Variants in WDTC1 observed in about 807,000 individuals in gnomAD.
WDTC1 encodes WD and tetratricopeptide repeats protein 1.
Under a neutral mutation model 76.0 loss-of-function variants are expected in WDTC1, and 12 were observed. The ratio of observed to expected loss-of-function variants is 0.16; its 90% CI spans 0.10 to 0.26. WDTC1 has a LOEUF of 0.26. WDTC1 is among the 10% of genes least tolerant of loss of function. The pLI, the probability that WDTC1 is intolerant of heterozygous loss-of-function variation, is 1.00. For missense variants in WDTC1, 511 were observed against 908.8 expected (o/e 0.56, Z 5.63); for synonymous variants, 326 against 350.8 (o/e 0.93, Z 0.79).
intron 3 of WDTC1, among the ~76,000 whole-genome samples, chr1:27,280,994 GTCTC>G (rs1179413817): frequency 4.0e-5 from 6 of 151,440 alleles, no homozygotes; most frequent in South Asian, 2.1e-4. Context: ...TTGAGACAGA[GTCTC>G]TCTCTCTTTT....
intron 3 of WDTC1, among the ~76,000 whole-genome samples, chr1:27,272,880 GCC>G (rs2012910615): frequency 6.6e-6 from 1 of 152,184 alleles, no homozygotes; most frequent in African/African-American, 2.4e-5. Context: ...TTACACCCCA[GCC>G]TGGGCAACCC....
Position 27,283,429 on chromosome 1 carries a change from G to A in WDTC1, c.271G>A (p.Ala91Thr), listed in dbSNP as rs770297610. 4.3e-6 allele frequency: 7 copies of A among 1,612,646 alleles called. No individual in the cohort carries two copies. The highest frequency in any genetic ancestry group is 4.0e-5 in the African/African-American group (3 of 74,898). ...KLLSMHTGHTANIFSVKFLPH... is the reference protein window; with the variant it reads ...KLLSMHTGHTTNIFSVKFLPH... ...GCTCTCCATGCACACGGGACACACC[G>A]CAAATATCTTCTCTGTCAAGGTGAG... The change falls in exon 5 of 16, where the codon GCA (alanine) becomes ACA (threonine). Residue 91 changes from alanine (A) to threonine (T), a missense_variant. Transcript: ENST00000319394.
At chr1:27,284,012 G>C (rs1199665528) in intron 5 of WDTC1, among the ~76,000 whole-genome samples, 1 of 152,204 alleles carries the variant, frequency 6.6e-6, no homozygotes, top group Non-Finnish European at 1.5e-5. Flanking sequence ...GAGGAGGGGA[G>C]TTGAGCGGAG....
chr1:27,270,417 A>C (rs2012833026), intron 3 of WDTC1, among the ~76,000 whole-genome samples: 1 of 152,090 alleles, frequency 6.6e-6, no homozygotes, highest in African/African-American at 2.4e-5. Context: ...TTTAAGAGGC[A>C]TAATTAGGGC....
intron 3 of WDTC1, among the ~76,000 whole-genome samples, chr1:27,273,349 C>T (rs1290769418): frequency 1.3e-5 from 2 of 151,618 alleles, no homozygotes; most frequent in African/African-American, 4.8e-5. Context: ...GCTGGGACTA[C>T]AGGCGCCCGC....
Position 27,234,928 on chromosome 1 carries a change from C to G in WDTC1, c.-123C>G. The G allele has an allele frequency of 1.0e-5, 4 of 394,274 alleles. No homozygotes were observed. Among genetic ancestry groups the G allele is most frequent in the Non-Finnish European group, 1.8e-5 (4 of 223,190 alleles). 24.4% of individuals were successfully genotyped at this position (394,274 alleles called of 1,614,324 possible). A position where few individuals can be genotyped will look rare whatever the true frequency, so the allele number is the denominator to read the frequency against. ...TGGGCTCCTGAAGTTGCGCCGCTGC[C>G]GGTCGGGGGAAGAGACCTGACAGGT... On this transcript the variant is annotated 5_prime_UTR_variant, in exon 1 of 16. Coordinates refer to ENST00000319394, the MANE Select transcript of WDTC1 (RefSeq NM_001276252.2).
In WDTC1 at chr1:27,237,873, AAAG is replaced by A. The variant is rs1367146339; in HGVS notation, c.-100+2925_-100+2927del. On this transcript the variant is annotated intron_variant, in intron 1 of 15. Transcript: ENST00000319394. ...TGAAACTCCATCTCAAAAAAAAAAA[AAAG>A]AAAAGAAAAGAAAAAAAAGAAAGAA... is the stretch of plus-strand genomic sequence containing the variant. Among the ~76,000 whole-genome samples, 18 of 149,810 alleles carry A rather than the reference AAAG, an allele frequency of 1.2e-4. No homozygotes were observed. In the East Asian group the frequency reaches 2.5e-3, roughly 21 times the overall value.
At chr1:27,247,202 G>T (rs1348305733) in intron 1 of WDTC1, among the ~76,000 whole-genome samples, 1 of 151,646 alleles carries the variant, frequency 6.6e-6, no homozygotes, top group East Asian at 1.9e-4. Context: ...GATTACAGGT[G>T]CCTGCCACCA....
chr1:27,240,482 T>C (rs1490070542), intron 1 of WDTC1, among the ~76,000 whole-genome samples: 2 of 152,154 alleles, frequency 1.3e-5, no homozygotes, highest in Non-Finnish European at 2.9e-5. Context: ...TGATGAAATA[T>C]ATCCTTTTTA....
At chr1:27,251,848 G>A (rs2012075841) in intron 1 of WDTC1, among the ~76,000 whole-genome samples, 1 of 151,882 alleles carries the variant, frequency 6.6e-6, no homozygotes. Flanking sequence ...TCTGCCAGGT[G>A]TGTCAGCCTG....
At chr1:27,270,798 C>A (rs1254487127) in intron 3 of WDTC1, among the ~76,000 whole-genome samples, 3 of 152,272 alleles carry the variant, frequency 2.0e-5, no homozygotes, top group South Asian at 2.1e-4. Flanking sequence ...TTGCCAAATT[C>A]TTCACCATGG....
In WDTC1 at chr1:27,296,330, A is replaced by G; in HGVS notation, c.878A>G (p.Tyr293Cys). ...TTTTGCCCCCCTCAACTCTAGGTCT[A>G]TTTGTTTGACTTGACTTACAAGCAG... ...LLVNMGGEQV[Y>C]LFDLTYKQRP... Residue 293 changes from tyrosine (Y) to cysteine (C), a missense_variant, in exon 10 of 16, where the codon TAT becomes TGT. By Grantham distance (194) the Tyr-to-Cys change is radical (BLOSUM62 -2). Transcript: ENST00000319394. The G allele has an allele frequency of 6.2e-7, 1 of 1,613,814 alleles. No homozygotes were observed.
At chr1:27,293,170 C>T (rs969445915) in intron 7 of WDTC1, among the ~76,000 whole-genome samples, 29 of 150,684 alleles carry the variant, frequency 1.9e-4, no homozygotes, top group Non-Finnish European at 3.4e-4. Context: ...TGGTGGCTCA[C>T]GCCTGTAATC....
intron 3 of WDTC1, among the ~76,000 whole-genome samples, chr1:27,264,678 G>C (rs1402687067): frequency 6.6e-6 from 1 of 151,986 alleles, no homozygotes; most frequent in Non-Finnish European, 1.5e-5. Context: ...GGTAGAGTTG[G>C]AGTCTTGCTG....
intron 5 of WDTC1, among the ~76,000 whole-genome samples, chr1:27,285,786 C>G (rs1261676008): frequency 6.6e-6 from 1 of 151,622 alleles, no homozygotes; most frequent in Non-Finnish European, 1.5e-5. Context: ...CAGGGTTTCT[C>G]CATGTTGGTA....
intron 1 of WDTC1, among the ~76,000 whole-genome samples, chr1:27,242,187 T>G (rs898771617): frequency 6.6e-6 from 1 of 151,916 alleles, no homozygotes; most frequent in Non-Finnish European, 1.5e-5. Flanking sequence ...CCACCGTGCC[T>G]GGCCAGATGG....
intron 2 of WDTC1, among the ~76,000 whole-genome samples, chr1:27,262,110 T>A (rs145787260): frequency 5.0e-4 from 76 of 151,894 alleles, no homozygotes; most frequent in African/African-American, 1.8e-3. Flanking sequence ...TTTGTATTTT[T>A]AGTAGAGACG....
intron 13 of WDTC1, among the ~76,000 whole-genome samples, chr1:27,303,000 C>T (rs559848443): frequency 1.3e-5 from 2 of 152,220 alleles, no homozygotes; most frequent in South Asian, 2.1e-4. Flanking sequence ...AGGCTGGGCT[C>T]GGTGGCTCAT....
At chr1:27,284,948 A>C (rs2013291253) in intron 5 of WDTC1, among the ~76,000 whole-genome samples, 1 of 149,816 alleles carries the variant, frequency 6.7e-6, no homozygotes. Context: ...CATTGAGTGT[A>C]TGCCGTCTCT....
Sources: allele counts gnomAD v4.1 joint callset (sites outside exome capture counted in the v4.1 genomes callset), GRCh38; gene constraint gnomAD v4.1.1; transcripts MANE v1.5; gene names NCBI Gene and HGNC (gene_info 2026-07-23, HGNC 2026-07-21).